WDPCP: variants seen among roughly 807,000 people sequenced by gnomAD.
WDPCP encodes the protein WD repeat-containing and planar cell polarity effector protein fritz homolog.
A neutral mutation model predicts 93.1 loss-of-function variants in WDPCP; 71 were observed. That is an observed-to-expected ratio of 0.76 (90% confidence interval 0.63 to 0.93). WDPCP has a LOEUF of 0.93. Among genes scored for constraint, WDPCP ranks in the 40% least tolerant of loss-of-function variants. The pLI is 0.00. For missense variants in WDPCP, 844 were observed against 887.4 expected (o/e 0.95, Z 0.62); for synonymous variants, 315 against 315.0 (o/e 1.00, Z 0.00).
chr2:63,558,389 G>C (rs368140423), intron 1 of WDPCP, among the ~76,000 whole-genome samples: 1 of 151,890 alleles, frequency 6.6e-6, no homozygotes, highest in Admixed American at 6.6e-5. Flanking sequence ...TTAGCTGGGC[G>C]TGGTGGTGCG....
chr2:63,364,912 A>C (rs1173225401), intron 12 of WDPCP, among the ~76,000 whole-genome samples: 2 of 152,158 alleles, frequency 1.3e-5, no homozygotes, highest in African/African-American at 2.4e-5. Flanking sequence ...ACTTTGAGGG[A>C]TATATGAACC....
chr2:63,326,751 G>C (rs2104265757), intron 12 of WDPCP, among the ~76,000 whole-genome samples: 1 of 152,096 alleles, frequency 6.6e-6, no homozygotes, highest in South Asian at 2.1e-4. Flanking sequence ...GAAAGTCAGA[G>C]AGAGAGAGGA....
chr2:63,210,226 CT>C (rs983357050), intron 14 of WDPCP, among the ~76,000 whole-genome samples: 3 of 151,976 alleles, frequency 2.0e-5, no homozygotes, highest in African/African-American at 7.3e-5. Flanking sequence ...TTATTTGCCT[CT>C]GAAGAGAAGA....
At chr2:63,511,109 G>A (rs1357744865) in intron 1 of WDPCP, among the ~76,000 whole-genome samples, 4 of 152,096 alleles carry the variant, frequency 2.6e-5, no homozygotes, top group African/African-American at 7.2e-5. Context: ...AACAGTAATA[G>A]ACAAACAGCC....
chr2:63,505,226 G>A (rs917689113), intron 1 of WDPCP, among the ~76,000 whole-genome samples: 2 of 151,746 alleles, frequency 1.3e-5, no homozygotes, highest in South Asian at 4.2e-4. Context: ...CTTTACTAAC[G>A]GTTTGTCACA....
intron 2 of WDPCP, among the ~76,000 whole-genome samples, chr2:63,775,652 C>T (rs1050647606): frequency 3.9e-5 from 6 of 152,178 alleles, no homozygotes; most frequent in Non-Finnish European, 8.8e-5. Flanking sequence ...ATTATGCTAT[C>T]CTGGATCCTT....
At chr2:63,228,996 A>C (rs1678576669) in intron 14 of WDPCP, 2 of 152,198 alleles carry the variant, frequency 1.3e-5, no homozygotes, top group South Asian at 4.1e-4. Flanking sequence ...CAGATCCCTG[A>C]GGAATCGCCA....
Position 63,271,041 on chromosome 2 carries a change from A to T in WDPCP, c.1813-11632T>A, listed in dbSNP as rs140081595. 2.1e-3 allele frequency among the ~76,000 whole-genome samples: 314 copies of T among 152,278 alleles called. 2 individuals are homozygous for T. The Middle Eastern group carries it at 0.031, about 15-fold the overall frequency. On this transcript the variant is annotated intron_variant, in intron 13 of 17. Coordinates refer to ENST00000272321, the MANE Select transcript of WDPCP (RefSeq NM_015910.7). ...ATCAGCCCAGAGGGCTGTAGCATTG[A>T]GGCACCGGCTAGACTCAGGTATGCC... is the stretch of plus-strand genomic sequence containing the variant.
In WDPCP at chr2:63,353,646, C is replaced by G. The variant is rs10206811; in HGVS notation, c.1748+24740G>C. On this transcript the variant is annotated intron_variant, in intron 12 of 17. Coordinates refer to ENST00000272321, the MANE Select transcript of WDPCP (RefSeq NM_015910.7). ...GTGCTTTTTTAAGCAGTTTCCCAAT[C>G]CTGTTCCTCCTCACTTGGCAGGACC... Among the ~76,000 whole-genome samples the G allele has an allele frequency of 8.2e-4, 125 of 152,240 alleles. No individual in the cohort carries two copies. In the Middle Eastern group the frequency reaches 0.01, roughly 12 times the overall value.
intron 12 of WDPCP, among the ~76,000 whole-genome samples, chr2:63,347,121 T>C (rs1689246360): frequency 6.6e-6 from 1 of 152,204 alleles, no homozygotes; most frequent in Non-Finnish European, 1.5e-5. Flanking sequence ...GGATCTTCTG[T>C]GTACTAGTTA....
chr2:63,824,036 A>G (rs1255523891), intron 1 of WDPCP, among the ~76,000 whole-genome samples: 1 of 152,042 alleles, frequency 6.6e-6, no homozygotes, highest in East Asian at 1.9e-4. Flanking sequence ...TCCCCTCTCA[A>G]ATCTCATCTT....
At chr2:63,639,670 G>C (rs1445133027) in intron 3 of WDPCP, among the ~76,000 whole-genome samples, 2 of 152,142 alleles carry the variant, frequency 1.3e-5, no homozygotes, top group Admixed American at 1.3e-4. Context: ...TTAAATCATA[G>C]CAGAAGATAT....
chr2:63,203,836 T>G (rs888495731), intron 14 of WDPCP, among the ~76,000 whole-genome samples: 2 of 152,268 alleles, frequency 1.3e-5, no homozygotes, highest in Non-Finnish European at 2.9e-5. Context: ...TCTCTGTGCC[T>G]GGCTTATTTC....
At chr2:63,341,044 A>G (rs1257874116) in intron 12 of WDPCP, among the ~76,000 whole-genome samples, 1 of 151,900 alleles carries the variant, frequency 6.6e-6, no homozygotes, top group Non-Finnish European at 1.5e-5. Flanking sequence ...ATATTTCTGA[A>G]TTTTTCAGTT....
At chr2:63,549,156 G>C (rs1705375339) in intron 1 of WDPCP, among the ~76,000 whole-genome samples, 1 of 149,258 alleles carries the variant, frequency 6.7e-6, no homozygotes, top group Non-Finnish European at 1.5e-5. Flanking sequence ...GGCTGAGGCA[G>C]GGAGAATCAC....
intron 2 of WDPCP, among the ~76,000 whole-genome samples, chr2:63,764,756 A>C (rs1014063675): frequency 6.6e-6 from 1 of 152,090 alleles, no homozygotes; most frequent in Non-Finnish European, 1.5e-5. Context: ...GAGAAAATCT[A>C]TTTTAAGGCA....
At position 63,401,581 on chromosome 2, in the gene WDPCP, C is replaced by G. The variant is rs115030421; in HGVS notation, c.1435+2467G>C. ...TTCAGGTCAGGATTTGAGACCAGCT[C>G]AAGACCACTTGAGGCTGGTTTGAGA... On this transcript the variant is annotated intron_variant, in intron 10 of 17. Coordinates refer to ENST00000272321, the MANE Select transcript of WDPCP (RefSeq NM_015910.7). Among the ~76,000 whole-genome samples, 1,223 of 152,196 alleles carry G rather than the reference C, an allele frequency of 8.0e-3. 20 individuals carry two copies. The highest frequency in any genetic ancestry group is 0.029 in the African/African-American group (1,192 of 41,548).
At chr2:63,312,494 CA>C (rs1559310374) in intron 13 of WDPCP, among the ~76,000 whole-genome samples, 1 of 152,140 alleles carries the variant, frequency 6.6e-6, no homozygotes, top group Non-Finnish European at 1.5e-5. Flanking sequence ...AAGATTCAGG[CA>C]AAAGCACCTT....
chr2:63,616,413 T>A (rs1709674094), intron 3 of WDPCP, among the ~76,000 whole-genome samples: 1 of 152,200 alleles, frequency 6.6e-6, no homozygotes, highest in East Asian at 1.9e-4. Flanking sequence ...GAAAATGGAA[T>A]TGGAGAGGTA....
Sources: gnomAD v4.1 joint callset for allele counts (sites outside exome capture counted in the v4.1 genomes callset) on GRCh38, gnomAD v4.1.1 for gene constraint, MANE v1.5 for transcripts, NCBI Gene and HGNC (gene_info 2026-07-23, HGNC 2026-07-21) for gene names.